ZSCAN5A: variants seen among roughly 807,000 people sequenced by gnomAD.
ZSCAN5A encodes the protein zinc finger and SCAN domain containing 5A, also known as zinc finger and SCAN domain-containing protein 5A.
ZSCAN5A carries 12 observed loss-of-function variants against 23.7 expected under a neutral mutation model. The observed-to-expected ratio is 0.51, with a 90% CI of 0.32 to 0.82. The LOEUF is 0.82. Among genes scored for constraint, ZSCAN5A ranks in the 40% least tolerant of loss-of-function variants. The pLI is 0.03. For synonymous variants in ZSCAN5A, 257 were observed against 239.9 expected, an observed-to-expected ratio of 1.07 and a Z score of -0.66; for missense variants, 597 against 617.9, an observed-to-expected ratio of 0.97 and a Z score of 0.36.
At chr19:56,287,506 T>A (rs1011161505) in intron 2 of ZSCAN5A, among the ~76,000 whole-genome samples, 3 of 152,088 alleles carry the variant, frequency 2.0e-5, no homozygotes, top group African/African-American at 7.2e-5. Flanking sequence ...CAAGTCCACC[T>A]AACCCATAAA....
chr19:56,228,922 C>G (rs1398407188), intron 2 of ZSCAN5A, among the ~76,000 whole-genome samples: 1 of 152,126 alleles, frequency 6.6e-6, no homozygotes, highest in Non-Finnish European at 1.5e-5. Context: ...ACAGTGGGAA[C>G]CAGAGAAAGG....
chr19:56,241,125 C>T (rs1279255785), intron 2 of ZSCAN5A, among the ~76,000 whole-genome samples: 1 of 152,224 alleles, frequency 6.6e-6, no homozygotes, highest in Non-Finnish European at 1.5e-5. Flanking sequence ...GTGTCCCTAC[C>T]TGGGGGTCCT....
chr19:56,329,010 T>TAAAA (rs1376370013), intron 2 of ZSCAN5A, among the ~76,000 whole-genome samples: 6 of 136,606 alleles, frequency 4.4e-5, no homozygotes, highest in African/African-American at 1.7e-4. Flanking sequence ...AAAAAAAAAA[T>TAAAA]AAATAAATAA....
chr19:56,258,850 ACAAC>A (rs1338314551), intron 2 of ZSCAN5A, among the ~76,000 whole-genome samples: 2 of 152,192 alleles, frequency 1.3e-5, no homozygotes, highest in Non-Finnish European at 2.9e-5. Flanking sequence ...AAAAGACGAC[ACAAC>A]CTCCCCCTTA....
chr19:56,327,758 CTATTT>C (rs1302418499), intron 2 of ZSCAN5A, among the ~76,000 whole-genome samples: 1 of 151,428 alleles, frequency 6.6e-6, no homozygotes, highest in Non-Finnish European at 1.5e-5. Flanking sequence ...TATATGTAAT[CTATTT>C]TGTTTTTACA....
chr19:56,244,192 C>G, intron 2 of ZSCAN5A: 3 of 1,610,482 alleles, frequency 1.9e-6, no homozygotes, highest in Non-Finnish European at 2.5e-6. Flanking sequence ...TCAGGATGTT[C>G]AGCTGCCCAG....
chr19:56,284,635 C>T (rs2038968931), intron 2 of ZSCAN5A, among the ~76,000 whole-genome samples: 2 of 151,442 alleles, frequency 1.3e-5, no homozygotes, highest in South Asian at 2.1e-4. Context: ...CAACCTCAGC[C>T]TCCTGAGTAG....
chr19:56,239,282 G>A (rs974295642), intron 2 of ZSCAN5A, among the ~76,000 whole-genome samples: 1 of 152,202 alleles, frequency 6.6e-6, no homozygotes, highest in Non-Finnish European at 1.5e-5. Flanking sequence ...AAATGAATGA[G>A]CCACAATTTG....
intron 1 of ZSCAN5A, among the ~76,000 whole-genome samples, chr19:56,366,412 G>A (rs1568769982): frequency 7.7e-6 from 1 of 129,108 alleles, no homozygotes. Flanking sequence ...GACACAGCGA[G>A]ACTCTGTCTC....
intron 2 of ZSCAN5A, among the ~76,000 whole-genome samples, chr19:56,227,461 T>C (rs2034059586): frequency 6.6e-6 from 1 of 152,002 alleles, no homozygotes; most frequent in African/African-American, 2.4e-5. Context: ...TGAGCCCAAG[T>C]GTTTGATAAC....
rs779460399 is a variant in ZSCAN5A at position 56,247,012 on chromosome 19, G to C, written c.-127-21839C>G. ...AGTTTATTCCCCAGGCCCTGCAGGT[G>C]CAGTCAGTCACCCCAATGGCCAAGA... On this transcript the variant is annotated intron_variant, in intron 2 of 5. Transcript: ENST00000683990. 6 of 1,105,224 alleles carry C rather than the reference G, an allele frequency of 5.4e-6. 1 individual carries two copies. Among genetic ancestry groups the C allele is most frequent in the Admixed American group, 5.3e-5 (3 of 57,040 alleles). The allele number at this position is 1,105,224 out of a possible 1,614,324, so 68.5% of individuals were successfully genotyped here.
At chr19:56,343,619 C>T (rs906297282) in intron 2 of ZSCAN5A, among the ~76,000 whole-genome samples, 7 of 152,222 alleles carry the variant, frequency 4.6e-5, no homozygotes, top group Non-Finnish European at 8.8e-5. Flanking sequence ...GACTAATTTA[C>T]AGAAGGTCAC....
At chr19:56,252,245 G>A (rs2146751043) in intron 2 of ZSCAN5A, among the ~76,000 whole-genome samples, 1 of 152,306 alleles carries the variant, frequency 6.6e-6, no homozygotes, top group East Asian at 1.9e-4. Context: ...TTCTGGGAGA[G>A]AAAAAGGAGA....
chr19:56,221,588 G>A lies in ZSCAN5A; in HGVS notation c.1478C>T (p.Ala493Val). ...CGGATTATGCAATCACTGAGAAGTA[G>A]CTTCTGGATGTGTTTTCTGGTGGCG... The part of the protein sequence containing the change: ...LRRHQKTHPE[A>V]TSQ The change falls in exon 6 of 6, where the codon GCT becomes GTT. Residue 493 changes from alanine (A) to valine (V), a missense_variant. By Grantham distance (64) the Ala-to-Val change is moderately conservative. Around this residue, in one of 5 missense-constraint regions of ZSCAN5A, gnomAD observed 87 missense variants for 74.4 expected, o/e 1.17. Transcript: ENST00000683990. 6.3e-7 allele frequency: 1 copy of A among 1,598,838 alleles called. No individual in the cohort carries two copies. Among genetic ancestry groups the A allele is most frequent in the Non-Finnish European group, 8.5e-7 (1 of 1,173,094 alleles).
chr19:56,261,311 T>C (rs1223862297), intron 2 of ZSCAN5A, among the ~76,000 whole-genome samples: 1 of 152,084 alleles, frequency 6.6e-6, no homozygotes, highest in Non-Finnish European at 1.5e-5. Context: ...CAGGATATGG[T>C]ACTGATCTCC....
At chr19:56,280,716 A>G (rs1429154113) in intron 2 of ZSCAN5A, 1 of 152,154 alleles carries the variant, frequency 6.6e-6, no homozygotes, top group African/African-American at 2.4e-5. Flanking sequence ...ATCAAAGGAC[A>G]GAGAGAGAGA....
At chr19:56,248,839 C>A (rs921262363) in intron 2 of ZSCAN5A, among the ~76,000 whole-genome samples, 45 of 151,986 alleles carry the variant, frequency 3.0e-4, no homozygotes, top group African/African-American at 9.7e-4. Flanking sequence ...CGCCCAGCAT[C>A]CCCAGCAGAG....
intron 2 of ZSCAN5A, among the ~76,000 whole-genome samples, chr19:56,358,609 A>C (rs867185698): frequency 1.3e-5 from 2 of 152,212 alleles, no homozygotes; most frequent in African/African-American, 4.8e-5. Context: ...CTCCACCCAA[A>C]ACCAACAGAA....
chr19:56,279,501 A>T (rs2038520331), intron 2 of ZSCAN5A, among the ~76,000 whole-genome samples: 1 of 152,226 alleles, frequency 6.6e-6, no homozygotes, highest in Non-Finnish European at 1.5e-5. Flanking sequence ...ATATTAATTA[A>T]GCATTTAGCA....
Sources: allele counts gnomAD v4.1 joint callset (sites outside exome capture counted in the v4.1 genomes callset), GRCh38; gene constraint gnomAD v4.1.1; regional missense constraint gnomAD v4.1.1; transcripts MANE v1.5; gene names NCBI Gene and HGNC (gene_info 2026-07-23, HGNC 2026-07-21).